SYT6: variants seen among roughly 807,000 people sequenced by gnomAD.
The protein encoded by SYT6 is synaptotagmin-6.
A neutral mutation model predicts 38.4 loss-of-function variants in SYT6; 24 were observed. That is an observed-to-expected ratio of 0.62 (90% CI 0.45 to 0.88). The LOEUF (loss-of-function observed/expected upper bound fraction) is 0.88, where lower values mean the gene tolerates loss of function less well. Ranked by LOEUF, SYT6 falls within the 40% of genes least tolerant of loss-of-function variation. The pLI, the probability that SYT6 is intolerant of heterozygous loss-of-function variation, is 0.00. For synonymous variants in SYT6, 265 were observed against 241.9 expected (o/e 1.10, Z -0.89); for missense variants, 611 against 621.0 (o/e 0.98, Z 0.17).
chr1:114,139,685 A>G lies in SYT6; in HGVS notation c.442T>C (p.Ser148Pro), dbSNP rs976665830. Residue 148 changes from serine to proline, a missense_variant, in exon 2 of 8, where the codon TCG becomes CCG. Coordinates refer to ENST00000610222, the MANE Select transcript of SYT6 (RefSeq NM_001253772.2). The part of the protein sequence containing the change: ...SPDIPAEVQM[S>P]VKEHIMRHTR... Reference sequence around the variant, plus strand: ...TGACGCATGATGTGCTCCTTGACCGACATCTGCACCTCAGCTGGGATATCT... The same window carrying G: ...TGACGCATGATGTGCTCCTTGACCGGCATCTGCACCTCAGCTGGGATATCT... 1 of 1,614,032 alleles carries G rather than the reference A, an allele frequency of 6.2e-7. No individual in the cohort carries two copies. The highest frequency in any genetic ancestry group is 1.3e-5 in the African/African-American group (1 of 74,908).
intron 6 of SYT6, among the ~76,000 whole-genome samples, chr1:114,096,034 C>T (rs1163580270): frequency 6.6e-6 from 1 of 152,110 alleles, no homozygotes; most frequent in African/African-American, 2.4e-5. Context: ...CCCCCTAAGC[C>T]ACCCTAAACA....
rs200957204 is a variant in SYT6, at chr1:114,129,524, C to CTCTT, written c.1071+7967_1071+7970dup. On this transcript the variant is annotated intron_variant, in intron 3 of 7. Coordinates refer to ENST00000610222, the MANE Select transcript of SYT6 (RefSeq NM_001253772.2). ...GGTCCTCTTGCTGTTCTTTGTTTTT[C>CTCTT]TCTTTCTTTCTTTCTTTTTTTTCTG... Among the ~76,000 whole-genome samples, 169 of 151,718 alleles carry CTCTT rather than the reference C, an allele frequency of 1.1e-3. No individual in the cohort carries two copies. The Middle Eastern group carries it at 0.024, about 21-fold the overall frequency.
chr1:114,103,783 T>G, intron 3 of SYT6, 62 bp from the exon 4 acceptor site: 1 of 1,571,904 alleles, frequency 6.4e-7, no homozygotes, highest in East Asian at 2.3e-5. Flanking sequence ...TCATGTCCAG[T>G]GCAGTATCTG....
Position 114,153,827 on chromosome 1 carries a change from C to A in SYT6, c.-55G>T, listed in dbSNP as rs1468945448. ...AGCTCGAACCCGCGCCCCGGCCGCA[C>A]TGGGGCGGGGCACGACGGCCCCAAG... is the stretch of plus-strand genomic sequence containing the variant. On this transcript the variant is annotated 5_prime_UTR_variant, in exon 1 of 8. Transcript: ENST00000610222. 2 of 591,058 alleles carry A rather than the reference C, an allele frequency of 3.4e-6. No homozygotes were observed. Among genetic ancestry groups the A allele is most frequent in the Non-Finnish European group, 5.9e-6 (2 of 340,232 alleles). The allele number at this position is 591,058 out of a possible 1,614,324, so 36.6% of individuals were successfully genotyped here. A position where few individuals can be genotyped will look rare whatever the true frequency, so the allele number is the denominator to read the frequency against.
intron 7 of SYT6, among the ~76,000 whole-genome samples, chr1:114,093,504 C>G (rs919178401): frequency 1.3e-5 from 2 of 152,210 alleles, no homozygotes; most frequent in African/African-American, 4.8e-5. Context: ...GGCTTGGAAG[C>G]TGATCCAGTC....
At chr1:114,151,281 A>T (rs1395750607) in intron 1 of SYT6, among the ~76,000 whole-genome samples, 2 of 152,154 alleles carry the variant, frequency 1.3e-5, no homozygotes, top group Non-Finnish European at 2.9e-5. Flanking sequence ...TCAGCCTCTC[A>T]GCTTGGACCC....
intron 3 of SYT6, among the ~76,000 whole-genome samples, chr1:114,118,060 C>T (rs533177112): frequency 1.1e-4 from 16 of 152,196 alleles, no homozygotes; most frequent in South Asian, 4.1e-4. Flanking sequence ...CCTGACAATG[C>T]CTCACTGGAA....
chr1:114,120,777 A>G (rs1278288139), intron 3 of SYT6, among the ~76,000 whole-genome samples: 1 of 152,232 alleles, frequency 6.6e-6, no homozygotes, highest in East Asian at 1.9e-4. Flanking sequence ...TGTTACCAAT[A>G]TTGTTGTTAT....
At chr1:114,113,956 G>A (rs150195794) in intron 3 of SYT6, among the ~76,000 whole-genome samples, 17 of 152,060 alleles carry the variant, frequency 1.1e-4, no homozygotes, top group African/African-American at 1.7e-4. Flanking sequence ...GCCTCCCCCC[G>A]TGCCAGGGCT....
rs139359983 is a variant in SYT6, at chr1:114,121,587, C to T, written c.1071+15908G>A. 2.6e-3 allele frequency among the ~76,000 whole-genome samples: 397 copies of T among 152,246 alleles called. 5 individuals are homozygous for T. Among genetic ancestry groups the T allele is most frequent in the African/African-American group, 9.0e-3 (372 of 41,548 alleles). The stretch of plus-strand genomic sequence containing the variant: ...TTTTGTGGCTTTCTGTATTTTCTAA[C>T]TTATCTAAAATAAGAATGTAATACT... On this transcript the variant is annotated intron_variant, in intron 3 of 7. Transcript: ENST00000610222.
chr1:114,145,964 C>G (rs1257491708), intron 1 of SYT6, among the ~76,000 whole-genome samples: 1 of 152,156 alleles, frequency 6.6e-6, no homozygotes, highest in East Asian at 1.9e-4. Context: ...ATGTGACCCC[C>G]AGCTGCTGTT....
rs1675321725 is a variant in SYT6 at position 114,091,880 on chromosome 1, CAGGTA to C, written c.*249_*253del. 2 of 782,658 alleles carry C rather than the reference CAGGTA, an allele frequency of 2.6e-6. No individual in the cohort carries two copies. The highest frequency in any genetic ancestry group is 1.7e-5 in the African/African-American group (1 of 58,030). 48.5% of individuals were successfully genotyped at this position (782,658 alleles called of 1,614,324 possible). A position where few individuals can be genotyped will look rare whatever the true frequency, so the allele number is the denominator to read the frequency against. On this transcript the variant is annotated 3_prime_UTR_variant, in exon 8 of 8. Coordinates refer to ENST00000610222, the MANE Select transcript of SYT6 (RefSeq NM_001253772.2). ...GTCTCAGCTTTGACCTACACAGGAG[CAGGTA>C]AGACTCTGGAGTGACGGACGGCTGC...
rs1405398573 is a variant in SYT6, at chr1:114,092,078, T to C, written c.*56A>G. ...ACTGTCGAAGCTAGCAGCTCGGCCC[T>C]GCCACTGCAAAGAGGAGAACAATCT... is the stretch of plus-strand genomic sequence containing the variant. On this transcript the variant is annotated 3_prime_UTR_variant, in exon 8 of 8. Transcript: ENST00000610222. 4.6e-6 allele frequency: 7 copies of C among 1,536,142 alleles called. No homozygotes were observed. In the African/African-American group the frequency reaches 8.2e-5, roughly 18 times the overall value.
chr1:114,138,440 G>A (rs1048755870), intron 2 of SYT6, among the ~76,000 whole-genome samples: 16 of 152,188 alleles, frequency 1.1e-4, no homozygotes, highest in African/African-American at 3.4e-4. Context: ...TATCCTCAAT[G>A]TGGCACCCAC....
intron 3 of SYT6, among the ~76,000 whole-genome samples, chr1:114,106,265 T>C (rs886772550): frequency 1.3e-5 from 2 of 151,746 alleles, no homozygotes; most frequent in Middle Eastern, 3.2e-3. Context: ...ACCAACCCAT[T>C]GCACATGGAC....
chr1:114,149,940 A>T (rs1219824580), intron 1 of SYT6, among the ~76,000 whole-genome samples: 1 of 151,638 alleles, frequency 6.6e-6, no homozygotes, highest in Non-Finnish European at 1.5e-5. Context: ...ACTTTCAGAG[A>T]CTCCTCTGAT....
At chr1:114,139,554 T>C (rs1488327718) in intron 2 of SYT6, 61 bp downstream of exon 2, 5 of 1,599,374 alleles carry the variant, frequency 3.1e-6, no homozygotes, top group Non-Finnish European at 4.3e-6. Context: ...TGGAATCCCA[T>C]AGATGTATTA....
chr1:114,133,676 C>G (rs1678298933), intron 3 of SYT6, among the ~76,000 whole-genome samples: 1 of 152,184 alleles, frequency 6.6e-6, no homozygotes, highest in Non-Finnish European at 1.5e-5. Flanking sequence ...AAATTTCCAT[C>G]CTAGGCCTGA....
chr1:114,129,284 T>G (rs2774306), intron 3 of SYT6, among the ~76,000 whole-genome samples: 3,453 of 152,342 alleles, frequency 0.023, 132 homozygotes, highest in African/African-American at 0.079. Context: ...ATCTCTTTTT[T>G]AAGACAATCA....
Sources: allele counts gnomAD v4.1 joint callset (sites outside exome capture counted in the v4.1 genomes callset), GRCh38; gene constraint gnomAD v4.1.1; transcripts MANE v1.5; gene names NCBI Gene and HGNC (gene_info 2026-07-23, HGNC 2026-07-21).